Variants in XIAP observed in about 807,000 individuals in gnomAD.
XIAP encodes E3 ubiquitin-protein ligase XIAP.
In XIAP, 3 loss-of-function variants were observed where a neutral mutation model predicts 33.1. That is an observed-to-expected ratio of 0.09 (90% CI 0.04 to 0.23). The LOEUF (loss-of-function observed/expected upper bound fraction) is 0.23. Ranked by LOEUF, XIAP falls within the 10% of genes least tolerant of loss-of-function variation. The probability of loss-of-function intolerance (pLI) is 1.00; values close to 1 mark genes in which losing one functional copy is unlikely to be tolerated. For synonymous variants in XIAP, 98 were observed against 121.3 expected (o/e 0.81, Z 1.26); for missense variants, 264 against 363.0 (o/e 0.73, Z 2.22).
At position 123,886,017 on chromosome X, in the gene XIAP, A is replaced by G; in HGVS notation, c.355A>G (p.Asn119Asp). The G allele has an allele frequency of 8.3e-7, 1 of 1,211,857 alleles. No individual in the cohort carries two copies. Among genetic ancestry groups the G allele is most frequent in the Non-Finnish European group, 1.1e-6 (1 of 895,612 alleles). The change falls in exon 2 of 7, where the codon AAC (asparagine) becomes GAC (aspartate). Residue 119 changes from asparagine (N) to aspartate (D), a missense_variant. Physicochemically the swap from Asn to Asp is conservative, Grantham distance 23. Coordinates refer to ENST00000371199, the MANE Select transcript of XIAP (RefSeq NM_001167.4). The part of the protein sequence containing the change: ...GIQNGQYKVE[N>D]YLGSRDHFAL... ...CCAGAATGGTCAGTACAAAGTTGAAAACTATCTGGGAAGCAGAGATCATTT... is the reference window on the plus strand; with the variant it reads ...CCAGAATGGTCAGTACAAAGTTGAAGACTATCTGGGAAGCAGAGATCATTT...
intron 5 of XIAP, among the ~76,000 whole-genome samples, chrX:123,898,314 AT>A (rs2053478570): frequency 8.9e-6 from 1 of 112,143 alleles, no homozygotes; most frequent in Non-Finnish European, 1.9e-5. Flanking sequence ...TGTCTGTATT[AT>A]AACCTGCCAA....
intron 5 of XIAP, among the ~76,000 whole-genome samples, chrX:123,898,456 G>T (rs1478738821): frequency 9.0e-6 from 1 of 111,237 alleles, no homozygotes; most frequent in Non-Finnish European, 1.9e-5. Context: ...TCCACCTCCG[G>T]GGGTCACGCC....
chrX:123,898,887 G>C (rs868353989), intron 5 of XIAP, among the ~76,000 whole-genome samples: 10 of 104,646 alleles, frequency 9.6e-5, no homozygotes, highest in African/African-American at 3.4e-4. Context: ...TTGGGAAGTT[G>C]AGGCAGGTGG....
chrX:123,870,688 T>G (rs770320379), intron 1 of XIAP, among the ~76,000 whole-genome samples: 9 of 111,354 alleles, frequency 8.1e-5, no homozygotes, highest in African/African-American at 2.9e-4. Context: ...CTCAGGAGGC[T>G]GAGGTGGTAG....
intron 5 of XIAP, among the ~76,000 whole-genome samples, chrX:123,894,971 A>C (rs1018483900): frequency 2.3e-4 from 25 of 109,470 alleles, no homozygotes; most frequent in African/African-American, 7.3e-4. Flanking sequence ...TAAATAAATA[A>C]ATAAATAAAT....
intron 6 of XIAP, among the ~76,000 whole-genome samples, chrX:123,903,093 T>C (rs765256416): frequency 3.8e-4 from 42 of 109,697 alleles, no homozygotes; most frequent in African/African-American, 1.3e-3. Context: ...AGTGGCTTTA[T>C]ACAAGGATGA....
At chrX:123,881,474 T>C (rs750072185) in intron 1 of XIAP, among the ~76,000 whole-genome samples, 32 of 111,395 alleles carry the variant, frequency 2.9e-4, no homozygotes, top group Non-Finnish European at 3.2e-4. Flanking sequence ...TAAACTCTGG[T>C]AATTCTGGTT....
At chrX:123,899,157 A>ATATGATTT (rs1556407706) in intron 5 of XIAP, among the ~76,000 whole-genome samples, 1 of 38,379 alleles carries the variant, frequency 2.6e-5, no homozygotes. Flanking sequence ...ATATATATAT[A>ATATGATTT]TATATATATG....
Position 123,908,970 on chromosome X carries a change from A to G in XIAP, c.*1789A>G, listed in dbSNP as rs2053575436. On this transcript the variant is annotated 3_prime_UTR_variant, in exon 7 of 7. Transcript: ENST00000371199. ...AGAAAGAGTATTGTTATGTTCTCCT[A>G]ACTTCTGTTGATTACTACTTTAAGT... The G allele has an allele frequency of 3.0e-6, 1 of 335,823 alleles. No homozygotes were observed. Among genetic ancestry groups the G allele is most frequent in the Admixed American group, 3.3e-5 (1 of 30,544 alleles). The allele number at this position is 335,823 out of a possible 1,213,427, so 27.7% of individuals were successfully genotyped here.
intron 1 of XIAP, among the ~76,000 whole-genome samples, chrX:123,876,656 G>C (rs2053247391): frequency 9.0e-6 from 1 of 111,012 alleles, no homozygotes; most frequent in South Asian, 3.8e-4. Context: ...AGTGAGCTAT[G>C]ATCACACTAC....
rs1057515752 is a variant in XIAP, at chrX:123,910,382, A to G, written c.*3201A>G. On this transcript the variant is annotated 3_prime_UTR_variant, in exon 7 of 7. Coordinates refer to ENST00000371199, the MANE Select transcript of XIAP (RefSeq NM_001167.4). ...TTCAGTAGTTGTTTTTTGTGTTTCC[A>G]TTTTAGTGGATAAAATTTGTATTTT... 2 of 328,857 alleles carry G rather than the reference A, an allele frequency of 6.1e-6. No homozygotes were observed. The highest frequency in any genetic ancestry group is 1.2e-5 in the Non-Finnish European group (2 of 169,809). 27.1% of individuals were successfully genotyped at this position (328,857 alleles called of 1,213,427 possible).
intron 3 of XIAP, 48 bp downstream of exon 3, chrX:123,888,766 G>A: frequency 9.3e-7 from 1 of 1,072,410 alleles, no homozygotes; most frequent in Non-Finnish European, 1.3e-6. Context: ...ATAGCATGCA[G>A]TGGGAGACTT....
Position 123,912,501 on chromosome X carries a change from G to A in XIAP, c.*5320G>A. The A allele has an allele frequency of 3.1e-6, 1 of 327,704 alleles. No individual in the cohort carries two copies. Among genetic ancestry groups the A allele is most frequent in the Admixed American group, 3.1e-5 (1 of 31,930 alleles). The allele number at this position is 327,704 out of a possible 1,213,427, so 27.0% of individuals were successfully genotyped here. A position where few individuals can be genotyped will look rare whatever the true frequency, so the allele number is the denominator to read the frequency against. On this transcript the variant is annotated 3_prime_UTR_variant, in exon 7 of 7. Transcript: ENST00000371199. ...AATACAAAAATTAGCTGGGCATGGT[G>A]GTGTGTGCCTGTAGTCCTGGCTACT...
chrX:123,905,681 A>G lies in XIAP; in HGVS notation c.1301-1307A>G, dbSNP rs145394145. On this transcript the variant is annotated intron_variant, in intron 6 of 6. Transcript: ENST00000371199. ...GTACCTAGAACCTAGTTAAGTGTCC[A>G]GTAAGTATTTCTTGAATAAACTATT... 5.5e-3 allele frequency among the ~76,000 whole-genome samples: 624 copies of G among 112,558 alleles called. 2 individuals are homozygous for G. Among genetic ancestry groups the G allele is most frequent in the African/African-American group, 0.019 (598 of 31,008 alleles).
chrX:123,888,469 A>G, intron 2 of XIAP, 150 bp from the exon 3 acceptor site: 2 of 529,002 alleles, frequency 3.8e-6, no homozygotes, highest in Non-Finnish European at 6.7e-6. Flanking sequence ...TAAAAATCAT[A>G]TCTGTTACTT....
At chrX:123,869,362 CAAAAAA>C (rs57436822) in intron 1 of XIAP, among the ~76,000 whole-genome samples, 10 of 29,723 alleles carry the variant, frequency 3.4e-4, no homozygotes, top group South Asian at 2.2e-3. Context: ...TAAAAAAATA[CAAAAAA>C]AAAAAAAAAA....
intron 1 of XIAP, among the ~76,000 whole-genome samples, chrX:123,865,975 G>T (rs1320581838): frequency 9.8e-6 from 1 of 102,461 alleles, no homozygotes; most frequent in South Asian, 4.6e-4. Flanking sequence ...GTCTTGCTCT[G>T]TCGCCCAGAG....
chrX:123,861,830 C>T (rs2053082134), intron 1 of XIAP, among the ~76,000 whole-genome samples: 1 of 111,507 alleles, frequency 9.0e-6, no homozygotes, highest in Non-Finnish European at 1.9e-5. Context: ...AAGCAGACCT[C>T]ATTATTGGAT....
intron 1 of XIAP, among the ~76,000 whole-genome samples, chrX:123,875,896 G>A (rs1056406844): frequency 2.7e-5 from 3 of 111,758 alleles, no homozygotes; most frequent in African/African-American, 9.7e-5. Flanking sequence ...ATGTTGGCCA[G>A]GCTGGTCTTG....
Sources: allele counts gnomAD v4.1 joint callset (sites outside exome capture counted in the v4.1 genomes callset), GRCh38; gene constraint gnomAD v4.1.1; transcripts MANE v1.5; gene names NCBI Gene and HGNC (gene_info 2026-07-23, HGNC 2026-07-21).